PHLPP1: variants seen among roughly 807,000 people sequenced by gnomAD.
PHLPP1 encodes PH domain leucine-rich repeat-containing protein phosphatase 1.
In PHLPP1, 42 loss-of-function variants were observed where a neutral mutation model predicts 117.2. The ratio of observed to expected loss-of-function variants is 0.36; its 90% CI spans 0.28 to 0.46. The LOEUF is 0.46. Ranked by LOEUF, PHLPP1 falls within the 20% of genes least tolerant of loss-of-function variation. PHLPP1 has a pLI of 1.00. For synonymous variants in PHLPP1, 1,042 were observed against 970.7 expected (o/e 1.07, Z -1.37); for missense variants, 2,084 against 2,241.9 (o/e 0.93, Z 1.42).
Position 62,919,981 on chromosome 18 carries a change from C to T in PHLPP1, c.2827C>T (p.Arg943Trp), listed in dbSNP as rs1373156680. The part of the protein sequence containing the change: ...PARLFCNSSL[R>W]KLLAGHNQLA... ...CAGCTTATTTTGTAATAGCAGTCTC[C>T]GGAAACTACTGGCAGGACACAACCA... Residue 943 changes from arginine to tryptophan, a missense_variant, in exon 10 of 17, where the codon CGG becomes TGG. Arg to Trp is a moderately radical substitution (Grantham distance 101). Around this residue, in one of 2 missense-constraint regions of PHLPP1, gnomAD observed 1,365 missense variants for 1,605.9 expected, o/e 0.85. Coordinates refer to ENST00000262719, the MANE Select transcript of PHLPP1 (RefSeq NM_194449.4). The T allele has an allele frequency of 5.6e-6, 9 of 1,603,110 alleles. No homozygotes were observed. The East Asian group carries it at 9.0e-5, about 16-fold the overall frequency.
intron 3 of PHLPP1, among the ~76,000 whole-genome samples, chr18:62,851,078 T>TATA (rs570513203): frequency 1.8e-3 from 268 of 152,278 alleles, no homozygotes; most frequent in African/African-American, 6.2e-3. Flanking sequence ...CAGTACCTGG[T>TATA]ATAGTTCCTG....
At chr18:62,917,853 A>G (rs376597283) in intron 9 of PHLPP1, among the ~76,000 whole-genome samples, 3 of 151,846 alleles carry the variant, frequency 2.0e-5, no homozygotes, top group Non-Finnish European at 2.9e-5. Flanking sequence ...AGGCAAGGCA[A>G]TGATTCATTA....
rs146974155 is a variant in PHLPP1 at position 62,842,720 on chromosome 18, A to G, written c.1899+3811A>G. Among the ~76,000 whole-genome samples, 1,358 of 152,272 alleles carry G rather than the reference A, an allele frequency of 8.9e-3. 8 individuals carry two copies. Among genetic ancestry groups the G allele is most frequent in the Non-Finnish European group, 0.012 (827 of 68,020 alleles). On this transcript the variant is annotated intron_variant, in intron 3 of 16. Transcript: ENST00000262719. ...TCCCTTCTCCAATTTTAAAAACCAG[A>G]TATATATTTCAAAAATGTTTAGCAG...
chr18:62,949,126 C>T (rs1304175737), intron 12 of PHLPP1, among the ~76,000 whole-genome samples: 4 of 152,070 alleles, frequency 2.6e-5, no homozygotes, highest in African/African-American at 9.7e-5. Flanking sequence ...GTAGGTGTTA[C>T]TTGTAAAGCA....
intron 1 of PHLPP1, among the ~76,000 whole-genome samples, chr18:62,799,903 A>G (rs1913727205): frequency 6.6e-6 from 1 of 152,230 alleles, no homozygotes; most frequent in South Asian, 2.1e-4. Context: ...GCACACTTAA[A>G]TCAGGAGAAT....
In PHLPP1 at chr18:62,715,677, C is replaced by CA; in HGVS notation, c.-6dup. On this transcript the variant is annotated 5_prime_UTR_variant, in exon 1 of 17. Transcript: ENST00000262719. ...GAGCTGGGGGGGAAACGCGAAGCCCCACTGCAATGGAGCCCGCCGCCGCGG... is the reference window on the plus strand; with the variant it reads ...GAGCTGGGGGGGAAACGCGAAGCCCCAACTGCAATGGAGCCCGCCGCCGCGG... 1 of 1,286,450 alleles carries CA rather than the reference C, an allele frequency of 7.8e-7. No individual in the cohort carries two copies. Among genetic ancestry groups the CA allele is most frequent in the Admixed American group, 3.6e-5 (1 of 28,156 alleles). The allele number at this position is 1,286,450 out of a possible 1,614,324, so 79.7% of individuals were successfully genotyped here.
At chr18:62,726,548 C>A (rs1173652722) in intron 1 of PHLPP1, among the ~76,000 whole-genome samples, 1 of 133,774 alleles carries the variant, frequency 7.5e-6, no homozygotes, top group Non-Finnish European at 1.6e-5. Flanking sequence ...TTATCATTTT[C>A]TTTTCTTTTC....
At chr18:62,966,055 G>A (rs1204885128) in intron 14 of PHLPP1, among the ~76,000 whole-genome samples, 2 of 152,044 alleles carry the variant, frequency 1.3e-5, no homozygotes, top group Non-Finnish European at 2.9e-5. Context: ...TAGAAGCCAG[G>A]TTGCCTGGCT....
chr18:62,901,833 C>A (rs527491426), intron 6 of PHLPP1, among the ~76,000 whole-genome samples: 1 of 151,742 alleles, frequency 6.6e-6, no homozygotes, highest in South Asian at 2.1e-4. Context: ...TTTCACCATG[C>A]TGGCCAGGCT....
chr18:62,899,816 C>T (rs1311146360), intron 6 of PHLPP1, among the ~76,000 whole-genome samples: 1 of 152,142 alleles, frequency 6.6e-6, no homozygotes, highest in African/African-American at 2.4e-5. Flanking sequence ...ATGAAAAGTA[C>T]ACACTACCAC....
intron 2 of PHLPP1, among the ~76,000 whole-genome samples, chr18:62,831,068 A>G (rs955885791): frequency 2.0e-5 from 3 of 152,138 alleles, no homozygotes; most frequent in African/African-American, 7.2e-5. Context: ...CAACGGATAT[A>G]TTTTTGACAT....
At chr18:62,868,610 A>G (rs1407663888) in intron 4 of PHLPP1, among the ~76,000 whole-genome samples, 3 of 149,856 alleles carry the variant, frequency 2.0e-5, no homozygotes, top group African/African-American at 4.9e-5. Context: ...TGACTGAGCG[A>G]GACTCTGTCT....
At chr18:62,722,899 A>T (rs1910965727) in intron 1 of PHLPP1, among the ~76,000 whole-genome samples, 1 of 152,242 alleles carries the variant, frequency 6.6e-6, no homozygotes. Flanking sequence ...TTTATCAAGC[A>T]TAATAACAGT....
At chr18:62,841,249 T>TA (rs1484334779) in intron 3 of PHLPP1, among the ~76,000 whole-genome samples, 2 of 152,040 alleles carry the variant, frequency 1.3e-5, no homozygotes, top group Non-Finnish European at 2.9e-5. Flanking sequence ...TAATTCAAGA[T>TA]ACCACATTGC....
chr18:62,895,340 T>C (rs760824145), intron 5 of PHLPP1, among the ~76,000 whole-genome samples, 183 bp downstream of exon 5: 6 of 152,254 alleles, frequency 3.9e-5, no homozygotes, highest in Non-Finnish European at 7.3e-5. Flanking sequence ...CTCCTTACAG[T>C]CTTGTAAAAA....
chr18:62,948,990 G>A (rs1159774664), intron 12 of PHLPP1, among the ~76,000 whole-genome samples: 4 of 151,978 alleles, frequency 2.6e-5, no homozygotes, highest in South Asian at 2.1e-4. Flanking sequence ...TGTAAACTAA[G>A]CATATTTTTA....
chr18:62,797,131 C>T (rs1025990623), intron 1 of PHLPP1, among the ~76,000 whole-genome samples: 3 of 152,190 alleles, frequency 2.0e-5, no homozygotes, highest in African/African-American at 7.2e-5. Context: ...GCTGATAAAT[C>T]AAGTGCATAC....
In PHLPP1 at chr18:62,896,078, T is replaced by C. The variant is rs1599108257; in HGVS notation, c.2444+67T>C. On this transcript the variant is annotated intron_variant, in intron 6 of 16. Coordinates refer to ENST00000262719, the MANE Select transcript of PHLPP1 (RefSeq NM_194449.4). ...TTATATTGCAGGGGTGGGGAGTAGG[T>C]TATTAACCAAGGCAAACAAGCTGGG... 8.5e-6 allele frequency: 8 copies of C among 941,214 alleles called. No homozygotes were observed. In the South Asian group the frequency reaches 1.2e-4, roughly 14 times the overall value. The allele number at this position is 941,214 out of a possible 1,614,324, so 58.3% of individuals were successfully genotyped here. A position where few individuals can be genotyped will look rare whatever the true frequency, so the allele number is the denominator to read the frequency against.
At chr18:62,872,015 G>A (rs79668041) in intron 4 of PHLPP1, among the ~76,000 whole-genome samples, 1 of 152,142 alleles carries the variant, frequency 6.6e-6, no homozygotes, top group East Asian at 1.9e-4. Flanking sequence ...GAAGGACCTA[G>A]AGTTTGTAAA....
Sources: allele counts gnomAD v4.1 joint callset (sites outside exome capture counted in the v4.1 genomes callset), GRCh38; gene constraint gnomAD v4.1.1; regional missense constraint gnomAD v4.1.1; transcripts MANE v1.5; gene names NCBI Gene and HGNC (gene_info 2026-07-23, HGNC 2026-07-21).